ASIC2: variants seen among roughly 807,000 people sequenced by gnomAD.
ASIC2 encodes acid-sensing ion channel 2.
A neutral mutation model predicts 57.3 loss-of-function variants in ASIC2; 25 were observed. The observed-to-expected ratio is 0.44, with a 90% confidence interval of 0.32 to 0.61. The LOEUF (loss-of-function observed/expected upper bound fraction) is 0.61. ASIC2 is among the 20% of genes least tolerant of loss of function. The probability of loss-of-function intolerance (pLI) is 0.06; values close to 1 mark genes in which losing one functional copy is unlikely to be tolerated. For missense variants in ASIC2, 641 were observed against 738.1 expected (o/e 0.87, Z 1.52); for synonymous variants, 319 against 307.5 (o/e 1.04, Z -0.39).
chr17:33,519,804 C>T (rs1158779466), intron 1 of ASIC2, among the ~76,000 whole-genome samples: 1 of 152,096 alleles, frequency 6.6e-6, no homozygotes, highest in African/African-American at 2.4e-5. Context: ...TCACTTCAGG[C>T]CACCCACGCA....
intron 1 of ASIC2, among the ~76,000 whole-genome samples, chr17:33,878,198 C>T (rs942014927): frequency 7.2e-5 from 11 of 152,136 alleles, no homozygotes; most frequent in African/African-American, 1.2e-4. Flanking sequence ...AAAATCAGAG[C>T]GCCTCTCCTC....
intron 1 of ASIC2, among the ~76,000 whole-genome samples, chr17:33,314,530 G>A (rs560530321): frequency 4.3e-4 from 66 of 152,314 alleles, no homozygotes; most frequent in African/African-American, 1.6e-3. Context: ...GTTCTGAAAT[G>A]TTCTCACTGA....
intron 1 of ASIC2, among the ~76,000 whole-genome samples, chr17:33,406,081 C>T (rs1910465523): frequency 6.6e-6 from 1 of 152,182 alleles, no homozygotes; most frequent in Admixed American, 6.5e-5. Context: ...CTGACCCAAC[C>T]TGGTGTTTTC....
chr17:34,126,300 C>CA (rs1911779141), intron 1 of ASIC2, among the ~76,000 whole-genome samples: 1 of 152,216 alleles, frequency 6.6e-6, no homozygotes, highest in Admixed American at 6.5e-5. Context: ...TCATCTGTGA[C>CA]AGTTATTAGC....
intron 1 of ASIC2, among the ~76,000 whole-genome samples, chr17:33,849,609 G>A (rs927449172): frequency 3.3e-5 from 5 of 152,202 alleles, no homozygotes; most frequent in African/African-American, 1.2e-4. Flanking sequence ...AGACTTGCCA[G>A]GGAGGAAGCC....
intron 1 of ASIC2, among the ~76,000 whole-genome samples, chr17:33,536,759 C>G (rs1271684774): frequency 6.6e-6 from 1 of 152,190 alleles, no homozygotes; most frequent in East Asian, 1.9e-4. Context: ...GTAATCCCAG[C>G]ACTTTGGGAG....
At chr17:33,973,684 T>C (rs1905285796) in intron 1 of ASIC2, among the ~76,000 whole-genome samples, 2 of 152,150 alleles carry the variant, frequency 1.3e-5, no homozygotes, top group Admixed American at 6.5e-5. Context: ...TCCTGCTCAC[T>C]CACCCCACCA....
chr17:33,317,749 G>A (rs1906713716), intron 1 of ASIC2, among the ~76,000 whole-genome samples: 2 of 152,110 alleles, frequency 1.3e-5, no homozygotes, highest in Non-Finnish European at 2.9e-5. Context: ...ATAAAAGAAG[G>A]TCAGAGAAGA....
chr17:33,647,939 A>C (rs1464689809), intron 1 of ASIC2, among the ~76,000 whole-genome samples: 1 of 152,150 alleles, frequency 6.6e-6, no homozygotes, highest in Non-Finnish European at 1.5e-5. Context: ...TGGATTCCAG[A>C]CACCAGGGAG....
At chr17:33,151,047 T>C (rs1322781807) in intron 1 of ASIC2, among the ~76,000 whole-genome samples, 1 of 149,818 alleles carries the variant, frequency 6.7e-6, no homozygotes. Context: ...AAATAAAGAA[T>C]GCTGGGTGTA....
intron 1 of ASIC2, among the ~76,000 whole-genome samples, chr17:33,741,607 A>G (rs1910113971): frequency 6.6e-6 from 1 of 152,212 alleles, no homozygotes; most frequent in South Asian, 2.1e-4. Flanking sequence ...CTGGGCAGGC[A>G]CCAAGCATTA....
At chr17:33,162,626 G>T (rs1166131485) in intron 1 of ASIC2, among the ~76,000 whole-genome samples, 1 of 152,156 alleles carries the variant, frequency 6.6e-6, no homozygotes, top group East Asian at 1.9e-4. Flanking sequence ...TCTCCTCAGG[G>T]CCAGCTCAGA....
intron 1 of ASIC2, among the ~76,000 whole-genome samples, chr17:33,367,891 A>G (rs570436939): frequency 1.3e-5 from 2 of 152,200 alleles, no homozygotes; most frequent in African/African-American, 2.4e-5. Flanking sequence ...GAGCTTAGGT[A>G]TTCTCTTCTG....
intron 1 of ASIC2, among the ~76,000 whole-genome samples, chr17:33,504,539 A>G (rs753705071): frequency 9.2e-5 from 14 of 152,082 alleles, no homozygotes; most frequent in Non-Finnish European, 1.6e-4. Context: ...GGGGTTTCAC[A>G]ATGTTGGCCA....
Position 33,581,951 on chromosome 17 carries a change from TTTAGGAAGTCAGCA to T in ASIC2, c.556-469898_556-469885del, listed in dbSNP as rs1567659590. ...CCAGGTGCTATCCTTTTGATTCAGC[TTTAGGAAGTCAGCA>T]CGAATTGGCCTCAGATTCCGTGTCC... On this transcript the variant is annotated intron_variant, in intron 1 of 9. Transcript: ENST00000359872. Among the ~76,000 whole-genome samples, 9 of 152,294 alleles carry T rather than the reference TTTAGGAAGTCAGCA, an allele frequency of 5.9e-5. No homozygotes were observed. The South Asian group carries it at 1.2e-3, about 21-fold the overall frequency.
intron 6 of ASIC2, 57 bp downstream of exon 6, chr17:33,023,804 A>G: frequency 6.2e-7 from 1 of 1,602,702 alleles, no homozygotes; most frequent in Non-Finnish European, 8.5e-7. Flanking sequence ...GATTGCCTCC[A>G]ATTTCCTCCT....
intron 1 of ASIC2, among the ~76,000 whole-genome samples, chr17:34,023,653 T>C (rs542338215): frequency 6.6e-6 from 1 of 152,108 alleles, no homozygotes; most frequent in Non-Finnish European, 1.5e-5. Context: ...TGTGAGGACC[T>C]CCGGAGGTGC....
chr17:33,370,806 A>C (rs113846286), intron 1 of ASIC2, among the ~76,000 whole-genome samples: 4 of 152,254 alleles, frequency 2.6e-5, no homozygotes, highest in African/African-American at 9.6e-5. Flanking sequence ...GGCTCTGAGC[A>C]TGTACACGTG....
At chr17:34,035,616 T>A (rs547664473) in intron 1 of ASIC2, among the ~76,000 whole-genome samples, 1 of 151,818 alleles carries the variant, frequency 6.6e-6, no homozygotes, top group Non-Finnish European at 1.5e-5. Flanking sequence ...CAGGAAAAAA[T>A]TTTTGCAACC....
Sources: allele counts gnomAD v4.1 joint callset (sites outside exome capture counted in the v4.1 genomes callset), GRCh38; gene constraint gnomAD v4.1.1; transcripts MANE v1.5; gene names NCBI Gene and HGNC (gene_info 2026-07-23, HGNC 2026-07-21).